The following GALNTL6 variants were observed in gnomAD, a reference collection of about 807,000 sequenced individuals.
GALNTL6 encodes the protein polypeptide N-acetylgalactosaminyltransferase-like 6.
A neutral mutation model predicts 73.7 loss-of-function variants in GALNTL6; 46 were observed. That is an observed-to-expected ratio of 0.62 (90% CI 0.49 to 0.80). The LOEUF is 0.80. GALNTL6 is among the 30% of genes least tolerant of loss of function. GALNTL6 has a pLI of 0.00. For synonymous variants in GALNTL6, 259 were observed against 263.7 expected, an observed-to-expected ratio of 0.98 and a Z score of 0.17; for missense variants, 604 against 755.0, an observed-to-expected ratio of 0.80 and a Z score of 2.34.
chr4:171,815,605 G>T (rs1734505744), intron 2 of GALNTL6: 1 of 152,160 alleles, frequency 6.6e-6, no homozygotes, highest in Non-Finnish European at 1.5e-5. Context: ...TCTTCTTCAT[G>T]ATATTGATAA....
At chr4:171,902,133 C>G (rs1309072338) in intron 2 of GALNTL6, among the ~76,000 whole-genome samples, 3 of 152,136 alleles carry the variant, frequency 2.0e-5, no homozygotes, top group Non-Finnish European at 4.4e-5. Flanking sequence ...TCAAGCCTGA[C>G]AGCTCTTGGC....
intron 5 of GALNTL6, among the ~76,000 whole-genome samples, chr4:172,788,000 A>C (rs1739755993): frequency 6.6e-6 from 1 of 152,182 alleles, no homozygotes; most frequent in East Asian, 1.9e-4. Context: ...TCAAAGAAAT[A>C]TTTTTATTAG....
chr4:172,164,046 G>A (rs1035613109), intron 2 of GALNTL6, among the ~76,000 whole-genome samples: 8 of 152,056 alleles, frequency 5.3e-5, no homozygotes, highest in African/African-American at 1.4e-4. Context: ...GGAAGTTTAC[G>A]AGAGGATCTA....
intron 11 of GALNTL6, among the ~76,000 whole-genome samples, chr4:173,012,226 G>C (rs1446390028): frequency 2.0e-5 from 3 of 152,148 alleles, no homozygotes; most frequent in Non-Finnish European, 4.4e-5. Flanking sequence ...GCCTCCTATA[G>C]CCAGATTCCT....
At chr4:172,717,003 C>G (rs979740159) in intron 5 of GALNTL6, among the ~76,000 whole-genome samples, 2 of 152,144 alleles carry the variant, frequency 1.3e-5, no homozygotes, top group Non-Finnish European at 1.5e-5. Context: ...AAGTCAGCAC[C>G]AAATACAAAA....
chr4:172,385,024 TTTTG>T (rs1250100315), intron 5 of GALNTL6, among the ~76,000 whole-genome samples: 96 of 139,036 alleles, frequency 6.9e-4, no homozygotes, highest in Admixed American at 1.8e-3. Context: ...TGTTTTGTTT[TTTTG>T]TTTTTTTTTT....
At chr4:172,091,067 C>T (rs1461727555) in intron 2 of GALNTL6, among the ~76,000 whole-genome samples, 1 of 152,100 alleles carries the variant, frequency 6.6e-6, no homozygotes, top group Non-Finnish European at 1.5e-5. Context: ...TATTTTGGTA[C>T]TAGTACCATG....
chr4:172,709,617 CA>C (rs1734569207), intron 5 of GALNTL6, among the ~76,000 whole-genome samples: 3 of 152,140 alleles, frequency 2.0e-5, no homozygotes. Flanking sequence ...CCAGGGCCCT[CA>C]ACCCAGACAG....
intron 5 of GALNTL6, among the ~76,000 whole-genome samples, chr4:172,384,248 G>A (rs747187846): frequency 2.2e-4 from 33 of 152,162 alleles, no homozygotes; most frequent in Non-Finnish European, 4.1e-4. Flanking sequence ...TTCTTTGTGG[G>A]TAGTTTTCCT....
At chr4:172,392,461 CAT>C (rs1491557072) in intron 5 of GALNTL6, among the ~76,000 whole-genome samples, 2 of 69,310 alleles carry the variant, frequency 2.9e-5, no homozygotes, top group African/African-American at 5.7e-5. Context: ...ATTTCTTATT[CAT>C]TTTTTTTTTT....
chr4:172,723,834 A>G (rs1735638385), intron 5 of GALNTL6, among the ~76,000 whole-genome samples: 1 of 152,156 alleles, frequency 6.6e-6, no homozygotes, highest in East Asian at 1.9e-4. Flanking sequence ...TTTGTGAAAA[A>G]TAAGTGGCCT....
At chr4:171,876,975 A>C (rs184301450) in intron 2 of GALNTL6, among the ~76,000 whole-genome samples, 60 of 151,990 alleles carry the variant, frequency 3.9e-4, no homozygotes, top group Admixed American at 9.2e-4. Context: ...CCTTTTGATT[A>C]TTTTTTCTGC....
intron 5 of GALNTL6, among the ~76,000 whole-genome samples, chr4:172,430,234 A>G (rs546910196): frequency 2.4e-4 from 36 of 152,190 alleles, no homozygotes; most frequent in Non-Finnish European, 2.5e-4. Context: ...GACACAGACT[A>G]TTCTAGGTGC....
intron 4 of GALNTL6, among the ~76,000 whole-genome samples, chr4:172,320,333 G>A (rs557934491): frequency 1.3e-5 from 2 of 152,276 alleles, no homozygotes; most frequent in South Asian, 2.1e-4. Context: ...TTCCAGGAAT[G>A]TTGGCCTTGT....
At chr4:172,050,810 G>T (rs917994634) in intron 2 of GALNTL6, among the ~76,000 whole-genome samples, 1 of 152,100 alleles carries the variant, frequency 6.6e-6, no homozygotes, top group Non-Finnish European at 1.5e-5. Context: ...GGGCCTACAG[G>T]CCAAGAGGGG....
At chr4:172,248,199 T>A (rs7669014) in intron 3 of GALNTL6, among the ~76,000 whole-genome samples, 2,172 of 152,218 alleles carry the variant, frequency 0.014, 54 homozygotes, top group African/African-American at 0.05. Flanking sequence ...CTAATGAAAA[T>A]TTATTTTAAC....
intron 2 of GALNTL6, among the ~76,000 whole-genome samples, chr4:172,079,833 CT>C (rs201150849): frequency 2.3e-4 from 34 of 148,224 alleles, no homozygotes; most frequent in African/African-American, 3.2e-4. Flanking sequence ...GAACACAACA[CT>C]TTTTTTTTTA....
chr4:172,822,522 A>G (rs1260814240), intron 7 of GALNTL6, among the ~76,000 whole-genome samples: 1 of 152,102 alleles, frequency 6.6e-6, no homozygotes, highest in African/African-American at 2.4e-5. Context: ...TGTTCTAACT[A>G]TCCTCTGTGT....
chr4:172,335,795 T>A (rs1741295047), intron 4 of GALNTL6, among the ~76,000 whole-genome samples: 1 of 152,174 alleles, frequency 6.6e-6, no homozygotes, highest in African/African-American at 2.4e-5. Context: ...TGTAGGGTCA[T>A]CTTTGTTGTA....
Sources: allele counts gnomAD v4.1 joint callset (sites outside exome capture counted in the v4.1 genomes callset), GRCh38; gene constraint gnomAD v4.1.1; transcripts MANE v1.5; gene names NCBI Gene and HGNC (gene_info 2026-07-23, HGNC 2026-07-21).